The following COL2A1 variants were observed in gnomAD, a reference collection of about 807,000 sequenced individuals.
COL2A1 encodes the protein collagen alpha-1(II) chain.
COL2A1 carries 28 observed loss-of-function variants against 204.5 expected under a neutral mutation model. The observed-to-expected ratio is 0.14, with a 90% confidence interval of 0.10 to 0.19. COL2A1 has a LOEUF of 0.19. Among genes scored for constraint, COL2A1 ranks in the 10% least tolerant of loss-of-function variants. COL2A1 has a pLI of 1.00. For missense variants in COL2A1, 1,388 were observed against 2,027.5 expected (o/e 0.68, Z 6.06); for synonymous variants, 708 against 718.7 (o/e 0.99, Z 0.24).
chr12:47,975,659 G>T, intron 50 of COL2A1, 54 bp from the exon 51 acceptor site: 1 of 1,568,228 alleles, frequency 6.4e-7, no homozygotes, highest in Non-Finnish European at 8.6e-7. Context: ...GCCCCTCCAT[G>T]TCCATCCCCA....
chr12:47,980,947 G>T lies in COL2A1; in HGVS notation c.2485C>A (p.Pro829Thr), dbSNP rs745794356. ...GAPGERGETG[P>T]PGPAGFAGPP... ...CCAGCAAATCCCGCTGGTCCGGGGG[G>T]CCCAGTCTCTCCACGTTCACCCTGT... Residue 829 changes from proline to threonine, a missense_variant, in exon 38 of 54, where the codon CCC (proline) becomes ACC (threonine). Transcript: ENST00000380518. The surrounding 1 kb of genome is among the most constrained non-coding windows in gnomAD (Gnocchi z 4.5). 6.4e-7 allele frequency: 1 copy of T among 1,552,334 alleles called. No individual in the cohort carries two copies. The highest frequency in any genetic ancestry group is 8.7e-7 in the Non-Finnish European group (1 of 1,147,604).
At chr12:47,985,194 C>T in intron 26 of COL2A1, 101 bp from the exon 27 acceptor site, 1 of 897,234 alleles carries the variant, frequency 1.1e-6, no homozygotes, top group Admixed American at 2.0e-5. Context: ...GACTAGGCAC[C>T]AGCCACACAT....
chr12:47,976,086 G>A lies in COL2A1; in HGVS notation c.3490-16C>T. Reference sequence around the variant, plus strand: ...CAGGAGGACCCTGCAAGAGAGAGAGGTCGTGAGGAAAGAGTGGTCACCACA... The same window carrying A: ...CAGGAGGACCCTGCAAGAGAGAGAGATCGTGAGGAAAGAGTGGTCACCACA... On this transcript the variant is annotated splice_polypyrimidine_tract_variant and intron_variant, in intron 49 of 53. Transcript: ENST00000380518. The surrounding 1 kb of genome is among the most constrained non-coding windows in gnomAD (Gnocchi z 4.3). 1 of 1,584,910 alleles carries A rather than the reference G, an allele frequency of 6.3e-7. No homozygotes were observed. The highest frequency in any genetic ancestry group is 8.7e-7 in the Non-Finnish European group (1 of 1,153,330).
chr12:47,995,719 A>G lies in COL2A1; in HGVS notation c.699T>C (p.Pro233=), dbSNP rs760745665. Reference sequence around the variant, plus strand: ...CCGTGCTGGTACTCACAGAGACACCAGGTTCACCAGGTTCACCAGGATTGC... The same window carrying G: ...CCGTGCTGGTACTCACAGAGACACCGGGTTCACCAGGTTCACCAGGATTGC... ...FQGNPGEPGE[P]GVSGPMGPRG... is the part of the protein sequence containing the mutation. The change falls in exon 10 of 54, where the codon CCT becomes CCC. Residue 233 remains proline, a synonymous_variant. Coordinates refer to ENST00000380518, the MANE Select transcript of COL2A1 (RefSeq NM_001844.5). The G allele has an allele frequency of 6.2e-7, 1 of 1,613,972 alleles. No individual in the cohort carries two copies. Among genetic ancestry groups the G allele is most frequent in the South Asian group, 1.1e-5 (1 of 91,048 alleles).
intron 16 of COL2A1, among the ~76,000 whole-genome samples, chr12:47,992,378 T>A (rs904779020): frequency 6.6e-6 from 1 of 152,192 alleles, no homozygotes; most frequent in Non-Finnish European, 1.5e-5. Context: ...GAAGATGAGA[T>A]GAAGTAAAGC....
chr12:47,998,146 G>T (rs775995779), intron 4 of COL2A1, 23 bp downstream of exon 4: 1 of 1,614,136 alleles, frequency 6.2e-7, no homozygotes, highest in South Asian at 1.1e-5. Context: ...CTGCAATACC[G>T]GGTGAGAATA....
In COL2A1 at chr12:47,987,583, C is replaced by A; in HGVS notation, c.1221+28G>T. On this transcript the variant is annotated intron_variant, in intron 19 of 53. Coordinates refer to ENST00000380518, the MANE Select transcript of COL2A1 (RefSeq NM_001844.5). This position sits in a 1 kb window ranked among gnomAD's most constrained non-coding sequence, Gnocchi z 4.1. ...TTCCAAAGCCACAGACCCCAGACCC[C>A]CCCAGGCCAAAGAGAAGCTGCACTT... 6.3e-7 allele frequency: 1 copy of A among 1,586,082 alleles called. No individual in the cohort carries two copies.
chr12:47,985,598 G>A lies in COL2A1; in HGVS notation c.1681-11C>T. On this transcript the variant is annotated splice_polypyrimidine_tract_variant and intron_variant, in intron 25 of 53. Transcript: ENST00000380518. ...GCGGCCAGTGAGACCCTTTGTTCAG[G>A]AGAGAGAAGAGGGTGGGGTCAGGAG... 1.9e-6 allele frequency: 3 copies of A among 1,613,940 alleles called. No individual in the cohort carries two copies. The highest frequency in any genetic ancestry group is 2.5e-6 in the Non-Finnish European group (3 of 1,180,016).
At chr12:47,983,027 G>T (rs1264004256) in intron 32 of COL2A1, 66 bp downstream of exon 32, 39 of 1,607,688 alleles carry the variant, frequency 2.4e-5, no homozygotes, top group Non-Finnish European at 3.2e-5. Flanking sequence ...GTGGGGAAAG[G>T]AGCAGGAGCA....
rs2136515479 is a variant in COL2A1 at position 47,976,271 on chromosome 12, G to A, written c.3490-201C>T. ...CTCCATGGCTTGCCTACCCTCCTAA[G>A]CTCCTCTTTGTAAAATGCTGTTCTG... On this transcript the variant is annotated intron_variant, in intron 49 of 53. Coordinates refer to ENST00000380518, the MANE Select transcript of COL2A1 (RefSeq NM_001844.5). The surrounding 1 kb of genome is among the most constrained non-coding windows in gnomAD (Gnocchi z 4.3). Among the ~76,000 whole-genome samples the A allele has an allele frequency of 6.6e-6, 1 of 152,144 alleles. No individual in the cohort carries two copies. The highest frequency in any genetic ancestry group is 1.5e-5 in the Non-Finnish European group (1 of 68,014).
chr12:47,995,747 T>G lies in COL2A1; in HGVS notation c.671A>C (p.Gln224Pro), dbSNP rs949573200. The G allele has an allele frequency of 1.9e-6, 3 of 1,613,930 alleles. No homozygotes were observed. The highest frequency in any genetic ancestry group is 2.5e-6 in the Non-Finnish European group (3 of 1,179,946). Residue 224 changes from glutamine to proline, a missense_variant, in exon 10 of 54, where the codon CAA becomes CCA. By Grantham distance (76) the Gln-to-Pro change is moderately conservative. This residue lies in a region of COL2A1 where 884 missense variants were observed against 1,415.8 expected (regional missense o/e 0.62). Transcript: ENST00000380518. ...TTCACCAGGTTCACCAGGATTGCCT[T>G]GAAATCCTTGAGGCCCCTAAAAAGT... ...PAGAPGPQGF[Q>P]GNPGEPGEPG...
chr12:47,998,263 C>T, intron 3 of COL2A1, 62 bp from the exon 4 acceptor site: 2 of 1,605,022 alleles, frequency 1.2e-6, no homozygotes, highest in South Asian at 1.1e-5. Flanking sequence ...TAGTCTAAAA[C>T]CCTGCCAGCA....
At chr12:47,983,303 G>T in intron 31 of COL2A1, 82 bp downstream of exon 31, 1 of 1,525,700 alleles carries the variant, frequency 6.6e-7, no homozygotes, top group Non-Finnish European at 9.0e-7. Context: ...GGCTCCTCAT[G>T]CCCTCTTGCC....
At chr12:47,985,645 C>A in intron 25 of COL2A1, 58 bp from the exon 26 acceptor site, 1 of 1,611,250 alleles carries the variant, frequency 6.2e-7, no homozygotes, top group Non-Finnish European at 8.5e-7. Context: ...ACCTCCCAAT[C>A]CTGGCAGTGC....
In COL2A1 at chr12:47,976,641, C is replaced by T; in HGVS notation, c.3436-74G>A. ...ATCTATATTCTGGGAGCTGGGGGAA[C>T]AGCTTTATGTCCCAGCCCCATTCCC... is the stretch of plus-strand genomic sequence containing the variant. On this transcript the variant is annotated intron_variant, in intron 48 of 53. Coordinates refer to ENST00000380518, the MANE Select transcript of COL2A1 (RefSeq NM_001844.5). The surrounding 1 kb of genome is among the most constrained non-coding windows in gnomAD (Gnocchi z 4.3). The T allele has an allele frequency of 6.6e-7, 1 of 1,507,480 alleles. No homozygotes were observed. Among genetic ancestry groups the T allele is most frequent in the Non-Finnish European group, 9.2e-7 (1 of 1,085,474 alleles). The allele number at this position is 1,507,480 out of a possible 1,614,324, so 93.4% of individuals were successfully genotyped here.
chr12:47,980,695 G>T lies in COL2A1; in HGVS notation c.2518-34C>A. The stretch of plus-strand genomic sequence containing the variant: ...GGAAGGAGGAAGCAGGTGAATGAGG[G>T]GCAGGCTAAAACCCTGGAGCTCTTC... On this transcript the variant is annotated intron_variant, in intron 38 of 53. Coordinates refer to ENST00000380518, the MANE Select transcript of COL2A1 (RefSeq NM_001844.5). This position sits in a 1 kb window ranked among gnomAD's most constrained non-coding sequence, Gnocchi z 4.5. The T allele has an allele frequency of 6.3e-7, 1 of 1,584,630 alleles. No individual in the cohort carries two copies. Among genetic ancestry groups the T allele is most frequent in the Non-Finnish European group, 8.6e-7 (1 of 1,161,518 alleles).
At chr12:47,982,804 C>T in intron 33 of COL2A1, 44 bp downstream of exon 33, 1 of 1,544,008 alleles carries the variant, frequency 6.5e-7, no homozygotes. Context: ...CAGTGGGACT[C>T]CCAGGCTACC....
rs563519202 is a variant in COL2A1, at chr12:47,989,275, C to A, written c.1075G>T (p.Val359Phe). ...AAGCCAGGACCACCAGCAGGACCGA[C>A]AGGACCCTGGAGAGAGTAGGCGGAT... ...QPGPAGPPGPVGPAGGPGFPG... is the reference protein window; with the variant it reads ...QPGPAGPPGPFGPAGGPGFPG... The change falls in exon 18 of 54, where the codon GTC (valine) becomes TTC (phenylalanine). Residue 359 changes from valine to phenylalanine, a missense_variant. Val to Phe is a conservative substitution (Grantham distance 50, BLOSUM62 -1). Around this residue, in one of 3 missense-constraint regions of COL2A1, gnomAD observed 884 missense variants for 1,415.8 expected, o/e 0.62. Coordinates refer to ENST00000380518, the MANE Select transcript of COL2A1 (RefSeq NM_001844.5). The A allele has an allele frequency of 6.2e-7, 1 of 1,612,972 alleles. No homozygotes were observed. The highest frequency in any genetic ancestry group is 1.3e-5 in the African/African-American group (1 of 75,036).
rs1939233713 is a variant in COL2A1, at chr12:47,983,811, G to A, written c.1942-75C>T. 4.0e-6 allele frequency: 6 copies of A among 1,496,198 alleles called. No homozygotes were observed. The Admixed American group carries it at 1.2e-4, about 29-fold the overall frequency. 92.7% of individuals were successfully genotyped at this position (1,496,198 alleles called of 1,614,324 possible). ...AGAGCCACAGCTAGTAGGGCCCAGGGGAGGTCAGCAGGGTGGGCAGCACAG... is the reference window on the plus strand; with the variant it reads ...AGAGCCACAGCTAGTAGGGCCCAGGAGAGGTCAGCAGGGTGGGCAGCACAG... On this transcript the variant is annotated intron_variant, in intron 29 of 53. Coordinates refer to ENST00000380518, the MANE Select transcript of COL2A1 (RefSeq NM_001844.5).
Sources: allele counts gnomAD v4.1 joint callset (sites outside exome capture counted in the v4.1 genomes callset), GRCh38; gene constraint gnomAD v4.1.1; regional missense constraint gnomAD v4.1.1; non-coding constraint Gnocchi (gnomAD v3.1); transcripts MANE v1.5; gene names NCBI Gene and HGNC (gene_info 2026-07-23, HGNC 2026-07-21).